Variants in PTPN13 observed in about 807,000 individuals in gnomAD.
PTPN13 encodes the protein protein tyrosine phosphatase non-receptor type 13, also known as tyrosine-protein phosphatase non-receptor type 13.
Under a neutral mutation model 284.0 loss-of-function variants are expected in PTPN13, and 191 were observed. The ratio of observed to expected loss-of-function variants is 0.67; its 90% CI spans 0.60 to 0.76. The LOEUF (loss-of-function observed/expected upper bound fraction) is 0.76, where lower values mean the gene tolerates loss of function less well. PTPN13 is among the 30% of genes least tolerant of loss of function. The pLI is 0.00. For synonymous variants in PTPN13, 986 were observed against 1,022.3 expected (o/e 0.96, Z 0.68); for missense variants, 2,797 against 2,939.9 (o/e 0.95, Z 1.12).
At chr4:86,689,246 A>C in intron 5 of PTPN13, 56 bp downstream of exon 5, 2 of 1,487,762 alleles carry the variant, frequency 1.3e-6, no homozygotes, top group Non-Finnish European at 1.8e-6. Flanking sequence ...AGTAGATATC[A>C]CAAAATTTTC....
intron 15 of PTPN13, 104 bp from the exon 16 acceptor site, chr4:86,741,530 T>A (rs375161622): frequency 1.1e-6 from 1 of 946,792 alleles, no homozygotes; most frequent in Non-Finnish European, 1.6e-6. Flanking sequence ...GAATTCAAGA[T>A]GAGATTTGTG....
intron 2 of PTPN13, among the ~76,000 whole-genome samples, chr4:86,668,978 T>C (rs1051096817): frequency 1.3e-5 from 2 of 151,640 alleles, no homozygotes; most frequent in African/African-American, 4.8e-5. Context: ...TCTTCACCAT[T>C]TCTCTGCCCA....
At chr4:86,613,226 A>G (rs1202417784) in intron 1 of PTPN13, among the ~76,000 whole-genome samples, 3 of 152,240 alleles carry the variant, frequency 2.0e-5, no homozygotes, top group African/African-American at 7.2e-5. Flanking sequence ...TCATGTGGGT[A>G]ACCTCTGCCG....
intron 24 of PTPN13, 146 bp downstream of exon 24, chr4:86,763,336 G>C (rs1738924774): frequency 1.3e-6 from 1 of 745,376 alleles, no homozygotes; most frequent in Non-Finnish European, 2.2e-6. Context: ...TACTGCATTT[G>C]ATGCTAACTT....
intron 1 of PTPN13, among the ~76,000 whole-genome samples, chr4:86,633,490 A>G (rs1722684822): frequency 6.6e-6 from 1 of 152,176 alleles, no homozygotes; most frequent in South Asian, 2.1e-4. Context: ...CTTGAGGTGA[A>G]AGGAAGGCAC....
chr4:86,757,461 A>C (rs1390385140), intron 20 of PTPN13, among the ~76,000 whole-genome samples: 1 of 152,156 alleles, frequency 6.6e-6, no homozygotes, highest in African/African-American at 2.4e-5. Flanking sequence ...GGAATTATTA[A>C]TGGAACTATT....
intron 5 of PTPN13, among the ~76,000 whole-genome samples, chr4:86,692,083 T>C (rs1730089786): frequency 6.6e-6 from 1 of 152,216 alleles, no homozygotes; most frequent in Admixed American, 6.5e-5. Flanking sequence ...TTCTTTGCTA[T>C]TTCTCCCTTT....
chr4:86,635,556 A>T (rs1169551713), intron 2 of PTPN13, among the ~76,000 whole-genome samples, 185 bp downstream of exon 2: 2 of 152,180 alleles, frequency 1.3e-5, no homozygotes, highest in Admixed American at 1.3e-4. Context: ...CATTCATTTG[A>T]ATATCTTCTA....
In PTPN13 at chr4:86,666,330, C is replaced by T. The variant is rs140713610; in HGVS notation, c.116-6035C>T. 5.5e-3 allele frequency among the ~76,000 whole-genome samples: 842 copies of T among 151,810 alleles called. 7 individuals carry two copies. The highest frequency in any genetic ancestry group is 0.018 in the African/African-American group (747 of 41,352). On this transcript the variant is annotated intron_variant, in intron 2 of 47. Transcript: ENST00000411767. ...GACTTGCATTAAGGACAGGGACACA[C>T]ATAAGGAGTGAGTTTAGGAACAGAG...
intron 2 of PTPN13, among the ~76,000 whole-genome samples, chr4:86,653,322 A>T (rs1269446545): frequency 6.6e-6 from 1 of 152,076 alleles, no homozygotes; most frequent in Non-Finnish European, 1.5e-5. Context: ...ATGTCTGGGC[A>T]TTGAAGAGTT....
At chr4:86,749,642 A>C (rs10029565) in intron 17 of PTPN13, among the ~76,000 whole-genome samples, 12,444 of 152,296 alleles carry the variant, frequency 0.082, 647 homozygotes, top group Non-Finnish European at 0.11. Flanking sequence ...ACTTGTTATA[A>C]AGTATCTGTA....
chr4:86,681,096 G>C (rs548628911), intron 3 of PTPN13, among the ~76,000 whole-genome samples: 2 of 152,286 alleles, frequency 1.3e-5, no homozygotes, highest in East Asian at 3.9e-4. Context: ...AGAATATTAA[G>C]AGCAGAGAGA....
chr4:86,680,705 C>G (rs574694385), intron 3 of PTPN13, among the ~76,000 whole-genome samples: 1 of 152,282 alleles, frequency 6.6e-6, no homozygotes, highest in African/African-American at 2.4e-5. Flanking sequence ...AGTACAGATT[C>G]CTTAACCAAA....
intron 42 of PTPN13, among the ~76,000 whole-genome samples, chr4:86,799,624 C>T (rs544107769): frequency 3.3e-5 from 5 of 151,756 alleles, no homozygotes; most frequent in African/African-American, 1.2e-4. Context: ...ACCACCGCAC[C>T]CAGCCACAGT....
rs760949139 is a variant in PTPN13, at chr4:86,814,525, A to C, written c.7432A>C (p.Lys2478Gln). The C allele has an allele frequency of 1.2e-6, 2 of 1,612,324 alleles. No homozygotes were observed. The highest frequency in any genetic ancestry group is 1.7e-6 in the Non-Finnish European group (2 of 1,178,936). The stretch of plus-strand genomic sequence containing the variant: ...ACGTCTTCAAGCAGAAGAAGAGCAA[A>C]AACAGCAGCCTCAGCTTCTGAAGTG... ...LTRLQAEEEQ[K>Q]QQPQLLK Residue 2478 changes from lysine (K) to glutamine (Q), a missense_variant, in exon 48 of 48, where the codon AAA (lysine) becomes CAA (glutamine). Transcript: ENST00000411767.
At chr4:86,635,475 G>T in intron 2 of PTPN13, 104 bp downstream of exon 2, 1 of 1,470,862 alleles carries the variant, frequency 6.8e-7, no homozygotes, top group Non-Finnish European at 9.0e-7. Context: ...TTATTCCTGT[G>T]CCTTTGGCAG....
chr4:86,643,126 T>G (rs945175171), intron 2 of PTPN13, among the ~76,000 whole-genome samples: 1 of 152,212 alleles, frequency 6.6e-6, no homozygotes, highest in Non-Finnish European at 1.5e-5. Context: ...TTATAAGTAG[T>G]CACTTCTGGT....
chr4:86,769,453 A>G (rs1739726317), intron 28 of PTPN13, among the ~76,000 whole-genome samples: 1 of 152,166 alleles, frequency 6.6e-6, no homozygotes, highest in Non-Finnish European at 1.5e-5. Flanking sequence ...GGCATGAGCC[A>G]CTGTGCCTGA....
intron 15 of PTPN13, among the ~76,000 whole-genome samples, chr4:86,740,883 G>C (rs1425618453): frequency 6.6e-6 from 1 of 150,686 alleles, no homozygotes; most frequent in Non-Finnish European, 1.5e-5. Context: ...AATCTCTAGG[G>C]AAAGGGCAAA....
Sources: allele counts gnomAD v4.1 joint callset (sites outside exome capture counted in the v4.1 genomes callset), GRCh38; gene constraint gnomAD v4.1.1; transcripts MANE v1.5; gene names NCBI Gene and HGNC (gene_info 2026-07-23, HGNC 2026-07-21).